FBP2: variants seen among roughly 807,000 people sequenced by gnomAD.
FBP2 encodes fructose-bisphosphatase 2.
FBP2 carries 27 observed loss-of-function variants against 31.6 expected under a neutral mutation model. The observed-to-expected ratio is 0.85, with a 90% CI of 0.63 to 1.18. The LOEUF (loss-of-function observed/expected upper bound fraction) is 1.18. Ranked by LOEUF, FBP2 falls within the 50% of genes most tolerant of loss-of-function variation. FBP2 has a pLI of 0.00. For synonymous variants in FBP2, 168 were observed against 179.8 expected, an observed-to-expected ratio of 0.93 and a Z score of 0.53; for missense variants, 421 against 436.1, an observed-to-expected ratio of 0.97 and a Z score of 0.31.
chr9:94,569,872 C>G (rs1827247731), intron 4 of FBP2: 1 of 152,224 alleles, frequency 6.6e-6, no homozygotes, highest in Non-Finnish European at 1.5e-5. Flanking sequence ...TCAGTTTGAC[C>G]CACCAGGGAA....
At chr9:94,581,176 T>A (rs1184249058) in intron 3 of FBP2, among the ~76,000 whole-genome samples, 1 of 152,176 alleles carries the variant, frequency 6.6e-6, no homozygotes, top group Non-Finnish European at 1.5e-5. Flanking sequence ...TTGTTTTACC[T>A]CCAGAATTGA....
chr9:94,582,624 T>C (rs1437153399), intron 3 of FBP2, among the ~76,000 whole-genome samples: 2 of 149,988 alleles, frequency 1.3e-5, no homozygotes, highest in African/African-American at 4.9e-5. Flanking sequence ...CTTGGCTCAC[T>C]ACAAGCTCTG....
At position 94,593,722 on chromosome 9, in the gene FBP2, G is replaced by C. The variant is rs374397427; in HGVS notation, c.5C>G (p.Thr2Arg). 18 of 1,613,848 alleles carry C rather than the reference G, an allele frequency of 1.1e-5. No individual in the cohort carries two copies. Among genetic ancestry groups the C allele is most frequent in the Non-Finnish European group, 1.4e-5 (17 of 1,179,932 alleles). MTDRSPFETDML... is the reference protein window; with the variant it reads MRDRSPFETDML... ...GTCGGTTTCGAAGGGGCTTCTGTCC[G>C]TCATTTTGGCTGGAATGCTTCAAAT... The change falls in exon 1 of 7, where the codon ACG becomes AGG. Residue 2 changes from threonine (T) to arginine (R), a missense_variant. Thr to Arg is a moderately conservative substitution (Grantham distance 71). Coordinates refer to ENST00000375337, the MANE Select transcript of FBP2 (RefSeq NM_003837.4).
Position 94,571,645 on chromosome 9 carries a change from T to C in FBP2, c.427-43A>G, listed in dbSNP as rs111655429. 58 of 1,543,630 alleles carry C rather than the reference T, an allele frequency of 3.8e-5. No homozygotes were observed. The African/African-American group carries it at 5.7e-4, about 15-fold the overall frequency. On this transcript the variant is annotated intron_variant, in intron 3 of 6. Transcript: ENST00000375337. The stretch of plus-strand genomic sequence containing the variant: ...AAATGCCATGTGTTATTGTTGTCTC[T>C]GGAGAGAACACTTTGCCAGGGGCCT...
intron 3 of FBP2, among the ~76,000 whole-genome samples, chr9:94,572,590 A>G (rs1827281118): frequency 6.6e-6 from 1 of 152,144 alleles, no homozygotes; most frequent in Non-Finnish European, 1.5e-5. Context: ...TTAGTGTCTG[A>G]CTTCCCAGCT....
At chr9:94,564,953 CAAAG>C (rs1827163985) in intron 5 of FBP2, among the ~76,000 whole-genome samples, 1 of 152,034 alleles carries the variant, frequency 6.6e-6, no homozygotes, top group Non-Finnish European at 1.5e-5. Flanking sequence ...GTTCCCAACA[CAAAG>C]AAATAATAAA....
At chr9:94,581,390 T>G (rs530792950) in intron 3 of FBP2, among the ~76,000 whole-genome samples, 1 of 152,330 alleles carries the variant, frequency 6.6e-6, no homozygotes, top group Admixed American at 6.5e-5. Flanking sequence ...ATGTATAGAT[T>G]TGTAGATAAG....
chr9:94,592,129 C>T (rs1827510423), intron 1 of FBP2, among the ~76,000 whole-genome samples: 1 of 152,172 alleles, frequency 6.6e-6, no homozygotes, highest in Admixed American at 6.5e-5. Context: ...AGGGCTGTCA[C>T]CCACAGGAGC....
At chr9:94,570,481 A>G (rs955304848) in intron 4 of FBP2, 1 of 152,132 alleles carries the variant, frequency 6.6e-6, no homozygotes, top group African/African-American at 2.4e-5. Context: ...ATAGATGTAA[A>G]TTTCATAGGA....
In FBP2 at chr9:94,580,399, C is replaced by G. The variant is rs148716721; in HGVS notation, c.426+4178G>C. 5.8e-3 allele frequency among the ~76,000 whole-genome samples: 878 copies of G among 152,166 alleles called. 12 individuals are homozygous for G. The highest frequency in any genetic ancestry group is 0.024 in the Middle Eastern group (7 of 294). On this transcript the variant is annotated intron_variant, in intron 3 of 6. Transcript: ENST00000375337. ...GCCCAGCTAATTTTTGTATTTTTAG[C>G]AGAGACAGTGTTTAGCCATGTTGGC...
At chr9:94,583,989 G>A (rs76365053) in intron 3 of FBP2, among the ~76,000 whole-genome samples, 2,204 of 152,286 alleles carry the variant, frequency 0.014, 60 homozygotes, top group African/African-American at 0.05. Context: ...TTCTAGTCCT[G>A]CTGGATGTCA....
At chr9:94,576,742 T>G (rs1201749443) in intron 3 of FBP2, 1 of 152,224 alleles carries the variant, frequency 6.6e-6, no homozygotes, top group East Asian at 1.9e-4. Flanking sequence ...TCGGAGTGCA[T>G]TTGACCACCA....
At chr9:94,565,818 C>T (rs914507813) in intron 5 of FBP2, among the ~76,000 whole-genome samples, 2 of 151,752 alleles carry the variant, frequency 1.3e-5, no homozygotes, top group African/African-American at 2.4e-5. Flanking sequence ...AGGGAGGGAG[C>T]GAGGGCAGGA....
chr9:94,567,204 A>G (rs1000204080), intron 5 of FBP2, 66 bp downstream of exon 5: 1 of 1,572,612 alleles, frequency 6.4e-7, no homozygotes, highest in Non-Finnish European at 8.7e-7. Flanking sequence ...CCCTGAAGCC[A>G]CCACCCAAAC....
Position 94,559,061 on chromosome 9 carries a change from C to A in FBP2, c.897G>T (p.Gly299=), listed in dbSNP as rs780390155. 1 of 1,614,060 alleles carries A rather than the reference C, an allele frequency of 6.2e-7. No individual in the cohort carries two copies. The highest frequency in any genetic ancestry group is 2.2e-5 in the East Asian group (1 of 44,860). The part of the protein sequence containing the change: ...IEQAGGLATT[G]TQPVLDVKPE... ...GCTTCACGTCCAGTACAGGCTGGGT[C>A]CCCGTGGTCGCCAAGCCTCCTGCCT... The change falls in exon 7 of 7, where the codon GGG becomes GGT. Residue 299 remains glycine (G), a synonymous_variant. Transcript: ENST00000375337.
chr9:94,567,480 C>T lies in FBP2; in HGVS notation c.568-73G>A. 2.5e-6 allele frequency: 4 copies of T among 1,575,970 alleles called. No individual in the cohort carries two copies. In the South Asian group the frequency reaches 4.5e-5, roughly 18 times the overall value. On this transcript the variant is annotated intron_variant, in intron 4 of 6. Transcript: ENST00000375337. ...CAAGCCAACCGCACAATCCCCACAT[C>T]AGAGCAGGAGAAGATGGGGGCCTGC... is the stretch of plus-strand genomic sequence containing the variant.
At chr9:94,580,765 C>A (rs925617906) in intron 3 of FBP2, among the ~76,000 whole-genome samples, 1 of 152,162 alleles carries the variant, frequency 6.6e-6, no homozygotes, top group Non-Finnish European at 1.5e-5. Flanking sequence ...AGTATCACTA[C>A]CTCTAGTCCC....
At chr9:94,565,572 G>A (rs1827173961) in intron 5 of FBP2, among the ~76,000 whole-genome samples, 1 of 152,106 alleles carries the variant, frequency 6.6e-6, no homozygotes. Flanking sequence ...CAGACACACA[G>A]TGAACTATCA....
chr9:94,572,850 T>C (rs564128363), intron 3 of FBP2: 1 of 152,380 alleles, frequency 6.6e-6, no homozygotes, highest in East Asian at 1.9e-4. Flanking sequence ...TATTTTAAAA[T>C]GTAATTATAA....
Sources: allele counts gnomAD v4.1 joint callset (sites outside exome capture counted in the v4.1 genomes callset), GRCh38; gene constraint gnomAD v4.1.1; transcripts MANE v1.5; gene names NCBI Gene and HGNC (gene_info 2026-07-23, HGNC 2026-07-21).